The following MEGF11 variants were observed in gnomAD, a reference collection of about 807,000 sequenced individuals.
MEGF11 encodes multiple epidermal growth factor-like domains protein 11.
A neutral mutation model predicts 146.6 loss-of-function variants in MEGF11; 126 were observed. The ratio of observed to expected loss-of-function variants is 0.86; its 90% CI spans 0.74 to 1.00. The LOEUF (loss-of-function observed/expected upper bound fraction) is 1.00, where lower values mean the gene tolerates loss of function less well. MEGF11 is among the 50% of genes least tolerant of loss of function. The pLI is 0.00. For missense variants in MEGF11, 1,509 were observed against 1,521.2 expected, an observed-to-expected ratio of 0.99 and a Z score of 0.13; for synonymous variants, 532 against 583.4, an observed-to-expected ratio of 0.91 and a Z score of 1.27.
At chr15:66,052,042 T>C (rs139736837) in intron 5 of MEGF11, among the ~76,000 whole-genome samples, 176 of 152,336 alleles carry the variant, frequency 1.2e-3, no homozygotes, top group African/African-American at 3.7e-3. Context: ...ATTTATCTCA[T>C]ACATGCATCA....
chr15:65,965,622 T>TCTTTC (rs2081062585), intron 8 of MEGF11, among the ~76,000 whole-genome samples: 1 of 138,412 alleles, frequency 7.2e-6, no homozygotes, highest in Non-Finnish European at 1.6e-5. Flanking sequence ...TCTTTTTTTT[T>TCTTTC]TTTTTGGCTC....
intron 1 of MEGF11, among the ~76,000 whole-genome samples, chr15:66,149,428 G>GA (rs2089484097): frequency 6.6e-6 from 1 of 152,180 alleles, no homozygotes; most frequent in Admixed American, 6.5e-5. Flanking sequence ...AGAACTGAAT[G>GA]AATCAATATA....
intron 1 of MEGF11, among the ~76,000 whole-genome samples, chr15:66,144,074 C>G (rs1202608801): frequency 6.6e-6 from 1 of 152,168 alleles, no homozygotes; most frequent in East Asian, 1.9e-4. Flanking sequence ...GGGAGACACT[C>G]CTTCTGGAGG....
chr15:65,958,222 C>A (rs571234148), intron 9 of MEGF11, among the ~76,000 whole-genome samples: 1 of 152,346 alleles, frequency 6.6e-6, no homozygotes, highest in Admixed American at 6.5e-5. Context: ...AGACTTTGGG[C>A]CAGATGTGGC....
At chr15:66,247,937 G>C (rs967125772) in intron 1 of MEGF11, among the ~76,000 whole-genome samples, 6 of 151,668 alleles carry the variant, frequency 4.0e-5, no homozygotes, top group African/African-American at 1.5e-4. Context: ...CGGGAGGCTG[G>C]GGCGAGATGG....
intron 1 of MEGF11, among the ~76,000 whole-genome samples, chr15:66,140,003 G>A (rs1017553912): frequency 6.6e-6 from 1 of 152,154 alleles, no homozygotes; most frequent in Non-Finnish European, 1.5e-5. Flanking sequence ...CAAAACAGCC[G>A]ATCACACTCC....
At chr15:65,979,008 A>G (rs1008945909) in intron 7 of MEGF11, among the ~76,000 whole-genome samples, 1 of 151,550 alleles carries the variant, frequency 6.6e-6, no homozygotes, top group Non-Finnish European at 1.5e-5. Context: ...GAGCACCTCA[A>G]TATAGAAACT....
intron 1 of MEGF11, among the ~76,000 whole-genome samples, chr15:66,129,647 C>T (rs1351988632): frequency 1.3e-5 from 2 of 152,164 alleles, no homozygotes; most frequent in Non-Finnish European, 2.9e-5. Flanking sequence ...GCTCAACCTA[C>T]TTAGGAGAAC....
chr15:65,942,400 C>T (rs762345232), intron 10 of MEGF11, among the ~76,000 whole-genome samples: 12 of 152,182 alleles, frequency 7.9e-5, no homozygotes, highest in Non-Finnish European at 1.3e-4. Context: ...TGTTAGGAAG[C>T]TCCTGAAGTA....
intron 5 of MEGF11, among the ~76,000 whole-genome samples, chr15:66,000,432 C>T (rs945139556): frequency 2.0e-5 from 3 of 151,830 alleles, no homozygotes; most frequent in Non-Finnish European, 2.9e-5. Flanking sequence ...CTTGGGAGGC[C>T]GATGTGAAAG....
At chr15:66,032,486 A>C (rs1040742577) in intron 5 of MEGF11, among the ~76,000 whole-genome samples, 5 of 152,234 alleles carry the variant, frequency 3.3e-5, no homozygotes, top group African/African-American at 1.2e-4. Flanking sequence ...ACAAGAAGAG[A>C]AGACTGGAGA....
chr15:66,020,991 C>CAAAAAAA (rs35364286), intron 5 of MEGF11, among the ~76,000 whole-genome samples: 19 of 70,844 alleles, frequency 2.7e-4, no homozygotes, highest in African/African-American at 1.0e-3. Flanking sequence ...AACTCCATCT[C>CAAAAAAA]AAAAAAAAAA....
At chr15:66,228,322 A>C (rs1465136542) in intron 1 of MEGF11, among the ~76,000 whole-genome samples, 1 of 152,020 alleles carries the variant, frequency 6.6e-6, no homozygotes, top group Non-Finnish European at 1.5e-5. Flanking sequence ...CCTTGTCCCC[A>C]CCACCAAGAC....
At chr15:66,218,102 C>A (rs1324955932) in intron 1 of MEGF11, among the ~76,000 whole-genome samples, 1 of 152,138 alleles carries the variant, frequency 6.6e-6, no homozygotes, top group Non-Finnish European at 1.5e-5. Context: ...GAAAGAGATA[C>A]TTTTATTGGT....
intron 1 of MEGF11, among the ~76,000 whole-genome samples, chr15:66,240,802 T>C (rs1182910237): frequency 6.6e-6 from 1 of 152,316 alleles, no homozygotes; most frequent in South Asian, 2.1e-4. Context: ...ATAAGGAAGA[T>C]ACTTTTTGGG....
chr15:65,941,700 T>C (rs2079998037), intron 10 of MEGF11, among the ~76,000 whole-genome samples: 1 of 152,252 alleles, frequency 6.6e-6, no homozygotes, highest in African/African-American at 2.4e-5. Flanking sequence ...TACTGGCTAA[T>C]ATGGACTTAT....
chr15:66,094,900 A>G (rs2086475349), intron 4 of MEGF11, among the ~76,000 whole-genome samples: 1 of 152,136 alleles, frequency 6.6e-6, no homozygotes, highest in South Asian at 2.1e-4. Flanking sequence ...TATCCTTCTG[A>G]AAAGGCCCCA....
At chr15:66,037,715 G>C (rs1272673762) in intron 5 of MEGF11, among the ~76,000 whole-genome samples, 1 of 152,344 alleles carries the variant, frequency 6.6e-6, no homozygotes, top group East Asian at 1.9e-4. Flanking sequence ...CGGCAGGCAG[G>C]AGTTTATTTC....
At chr15:66,014,966 GAA>G (rs11350229) in intron 5 of MEGF11, among the ~76,000 whole-genome samples, 70 of 151,134 alleles carry the variant, frequency 4.6e-4, no homozygotes, top group Admixed American at 2.6e-3. Flanking sequence ...AGCTCTAGAG[GAA>G]AAAAAAAAAG....
Sources: allele counts gnomAD v4.1 joint callset (sites outside exome capture counted in the v4.1 genomes callset), GRCh38; gene constraint gnomAD v4.1.1; transcripts MANE v1.5; gene names NCBI Gene and HGNC (gene_info 2026-07-23, HGNC 2026-07-21).